NDUFS4: variants seen among roughly 807,000 people sequenced by gnomAD.
NDUFS4 encodes NADH:ubiquinone oxidoreductase subunit S4.
A neutral mutation model predicts 24.3 loss-of-function variants in NDUFS4; 28 were observed. The observed-to-expected ratio is 1.15, with a 90% CI of 0.85 to 1.58. The LOEUF (loss-of-function observed/expected upper bound fraction) is 1.58. Among genes scored for constraint, NDUFS4 ranks in the 40% most tolerant of loss-of-function variants. The pLI is 0.00. For missense variants in NDUFS4, 223 were observed against 207.9 expected (o/e 1.07, Z -0.45); for synonymous variants, 93 against 69.7 (o/e 1.34, Z -1.67).
chr5:53,629,523 T>C (rs1191792209), intron 2 of NDUFS4, among the ~76,000 whole-genome samples: 1 of 152,200 alleles, frequency 6.6e-6, no homozygotes, highest in African/African-American at 2.4e-5. Flanking sequence ...TAAGTCTCTC[T>C]GTAGGTCTCT....
intron 4 of NDUFS4, among the ~76,000 whole-genome samples, chr5:53,663,253 G>T (rs918408725): frequency 3.3e-5 from 5 of 152,128 alleles, no homozygotes; most frequent in African/African-American, 1.2e-4. Flanking sequence ...ACTTCCAACT[G>T]TGTGGTCAAT....
At chr5:53,607,601 A>G (rs1392827003) in intron 2 of NDUFS4, among the ~76,000 whole-genome samples, 2 of 152,198 alleles carry the variant, frequency 1.3e-5, no homozygotes, top group Non-Finnish European at 2.9e-5. Context: ...ATGAACTAGT[A>G]TTTTTCGTAT....
At chr5:53,666,961 G>A (rs1752532376) in intron 4 of NDUFS4, among the ~76,000 whole-genome samples, 1 of 151,842 alleles carries the variant, frequency 6.6e-6, no homozygotes, top group Non-Finnish European at 1.5e-5. Context: ...TAAATAGAAA[G>A]AAACATATTT....
chr5:53,680,773 C>G (rs1235440800), intron 4 of NDUFS4, among the ~76,000 whole-genome samples: 1 of 152,070 alleles, frequency 6.6e-6, no homozygotes, highest in Non-Finnish European at 1.5e-5. Flanking sequence ...CGCAGCACAC[C>G]AGCATGGCAC....
chr5:53,601,842 T>A (rs1039922711), intron 1 of NDUFS4, among the ~76,000 whole-genome samples: 9 of 152,248 alleles, frequency 5.9e-5, no homozygotes, highest in African/African-American at 1.9e-4. Context: ...GTGATAAGAT[T>A]GACCGTCTCA....
intron 4 of NDUFS4, among the ~76,000 whole-genome samples, chr5:53,678,955 A>T (rs1012797619): frequency 6.6e-6 from 1 of 152,108 alleles, no homozygotes; most frequent in African/African-American, 2.4e-5. Context: ...TCATCCAGGT[A>T]CTGTAACAAA....
chr5:53,665,074 G>C (rs1752474036), intron 4 of NDUFS4, among the ~76,000 whole-genome samples: 1 of 152,210 alleles, frequency 6.6e-6, no homozygotes, highest in Admixed American at 6.5e-5. Context: ...CAGGTCTGTT[G>C]GAGTTTGCTG....
chr5:53,653,237 A>G (rs545373377), intron 3 of NDUFS4, among the ~76,000 whole-genome samples: 1 of 152,304 alleles, frequency 6.6e-6, no homozygotes, highest in African/African-American at 2.4e-5. Context: ...TTGTGGACAT[A>G]GAAGGTCAAA....
At chr5:53,611,200 T>C (rs1228860533) in intron 2 of NDUFS4, among the ~76,000 whole-genome samples, 2 of 151,632 alleles carry the variant, frequency 1.3e-5, no homozygotes. Context: ...AAAGAAAAAC[T>C]TGTGGTTTTT....
At chr5:53,596,498 CAGTT>C (rs1224689577) in intron 1 of NDUFS4, among the ~76,000 whole-genome samples, 6 of 152,060 alleles carry the variant, frequency 3.9e-5, no homozygotes, top group Non-Finnish European at 4.4e-5. Context: ...TTCCCATTAA[CAGTT>C]GGTTCTCTCT....
intron 2 of NDUFS4, among the ~76,000 whole-genome samples, chr5:53,611,533 A>T (rs1337589957): frequency 6.6e-6 from 1 of 152,048 alleles, no homozygotes; most frequent in Non-Finnish European, 1.5e-5. Flanking sequence ...AAAAGAGTAG[A>T]TGACAGCATC....
At chr5:53,621,031 TGAGAG>T (rs1179667446) in intron 2 of NDUFS4, among the ~76,000 whole-genome samples, 1 of 152,196 alleles carries the variant, frequency 6.6e-6, no homozygotes, top group Non-Finnish European at 1.5e-5. Flanking sequence ...TGTTAGTTCT[TGAGAG>T]AGAAGAGTTA....
intron 1 of NDUFS4, among the ~76,000 whole-genome samples, chr5:53,602,159 A>C (rs900018693): frequency 6.6e-6 from 1 of 152,150 alleles, no homozygotes; most frequent in African/African-American, 2.4e-5. Flanking sequence ...TTTTCTTGTA[A>C]TATGTGGATT....
chr5:53,663,296 AT>A (rs1483053269), intron 4 of NDUFS4, among the ~76,000 whole-genome samples: 1 of 152,150 alleles, frequency 6.6e-6, no homozygotes, highest in East Asian at 1.9e-4. Context: ...GTTGAAAAAA[AT>A]GTATATTCTG....
intron 1 of NDUFS4, among the ~76,000 whole-genome samples, chr5:53,592,244 G>A (rs772564316): frequency 6.6e-6 from 1 of 152,072 alleles, no homozygotes; most frequent in South Asian, 2.1e-4. Context: ...GAGCCGCTGC[G>A]CCCGGCATTG....
At chr5:53,586,392 T>TTAC (rs1749755596) in intron 1 of NDUFS4, among the ~76,000 whole-genome samples, 1 of 151,998 alleles carries the variant, frequency 6.6e-6, no homozygotes, top group East Asian at 1.9e-4. Flanking sequence ...TAGTAACTTA[T>TTAC]TACTAAATCT....
chr5:53,622,205 A>C (rs1381752127), intron 2 of NDUFS4, among the ~76,000 whole-genome samples: 1 of 152,202 alleles, frequency 6.6e-6, no homozygotes, highest in Non-Finnish European at 1.5e-5. Context: ...TCTGTTGGGC[A>C]GAAATCTCTC....
intron 1 of NDUFS4, among the ~76,000 whole-genome samples, chr5:53,567,452 T>C (rs574756113): frequency 1.2e-3 from 178 of 152,326 alleles, no homozygotes; most frequent in Non-Finnish European, 1.9e-3. Flanking sequence ...TTTAAGCTAA[T>C]GATTTTTTCC....
chr5:53,682,876 T>C (rs1231101541), intron 4 of NDUFS4, among the ~76,000 whole-genome samples: 1 of 152,084 alleles, frequency 6.6e-6, no homozygotes, highest in Non-Finnish European at 1.5e-5. Flanking sequence ...TGAATCATAG[T>C]TTACATCTTT....
Sources: gnomAD v4.1 joint callset for allele counts (sites outside exome capture counted in the v4.1 genomes callset) on GRCh38, gnomAD v4.1.1 for gene constraint, MANE v1.5 for transcripts, NCBI Gene and HGNC (gene_info 2026-07-23, HGNC 2026-07-21) for gene names.